The following CCDC61 variants were observed in gnomAD, a reference collection of about 807,000 sequenced individuals.
The protein encoded by CCDC61 is centrosomal protein CCDC61.
In CCDC61, 55 loss-of-function variants were observed where a neutral mutation model predicts 63.0. The observed-to-expected ratio is 0.87, with a 90% CI of 0.70 to 1.09. The LOEUF is 1.09. Ranked by LOEUF, CCDC61 falls within the 50% of genes least tolerant of loss-of-function variation. The pLI is 0.00. For synonymous variants in CCDC61, 270 were observed against 317.0 expected (o/e 0.85, Z 1.58); for missense variants, 651 against 731.4 (o/e 0.89, Z 1.27).
chr19:46,013,841 G>A (rs1968874348), intron 5 of CCDC61, among the ~76,000 whole-genome samples: 1 of 151,436 alleles, frequency 6.6e-6, no homozygotes, highest in Non-Finnish European at 1.5e-5. Context: ...ACTCCAGCCT[G>A]GGTGACAGAG....
chr19:46,003,367 C>T (rs1968629750), intron 2 of CCDC61, 52 bp from the exon 3 acceptor site: 14 of 1,568,066 alleles, frequency 8.9e-6, no homozygotes, highest in South Asian at 2.3e-5. Context: ...GTGCATTGCC[C>T]TGGGGCTGGG....
At chr19:45,997,765 C>T (rs868736319) in intron 1 of CCDC61, among the ~76,000 whole-genome samples, 13 of 152,078 alleles carry the variant, frequency 8.5e-5, no homozygotes, top group African/African-American at 3.1e-4. Context: ...CAGCTCACTA[C>T]AACCTACGCC....
chr19:46,009,948 C>T (rs899566374), intron 5 of CCDC61, among the ~76,000 whole-genome samples: 4 of 152,168 alleles, frequency 2.6e-5, no homozygotes, highest in Non-Finnish European at 4.4e-5. Context: ...CCTTTGGAAC[C>T]AACCACAGGA....
chr19:46,003,528 T>TGGGTGGGGGGTTGGGGGG, intron 3 of CCDC61, 27 bp downstream of exon 3: 4 of 883,170 alleles, frequency 4.5e-6, no homozygotes, highest in East Asian at 4.2e-5. Context: ...CGGGTTGGGG[T>TGGGTGGGGGGTTGGGGGG]GGGAGGGGGG....
At chr19:46,004,149 A>G (rs1968651329) in intron 3 of CCDC61, among the ~76,000 whole-genome samples, 1 of 152,010 alleles carries the variant, frequency 6.6e-6, no homozygotes, top group Non-Finnish European at 1.5e-5. Flanking sequence ...CATGTTGACT[A>G]GGCTGGTGTG....
Position 46,008,306 on chromosome 19 carries a change from G to A in CCDC61, c.551+5G>A. 4 of 1,293,338 alleles carry A rather than the reference G, an allele frequency of 3.1e-6. No individual in the cohort carries two copies. The highest frequency in any genetic ancestry group is 4.4e-6 in the Non-Finnish European group (4 of 917,098). The allele number at this position is 1,293,338 out of a possible 1,614,324, so 80.1% of individuals were successfully genotyped here. A position where few individuals can be genotyped will look rare whatever the true frequency, so the allele number is the denominator to read the frequency against. On this transcript the variant is annotated splice_donor_5th_base_variant and intron_variant, in intron 5 of 13. Coordinates refer to ENST00000595358, the MANE Select transcript of CCDC61 (RefSeq NM_001267723.2). ...GATCTGGCATCTGCGGGAGCAGTGA[G>A]TCTTGGAGGGGTGGGCAGCTGGGGC...
At chr19:46,013,657 A>G (rs926042889) in intron 5 of CCDC61, among the ~76,000 whole-genome samples, 1 of 151,950 alleles carries the variant, frequency 6.6e-6, no homozygotes, top group East Asian at 1.9e-4. Flanking sequence ...TCATGAGGTC[A>G]GGAGTTTGAG....
chr19:46,000,912 G>A (rs974431097), intron 1 of CCDC61, among the ~76,000 whole-genome samples: 5 of 152,056 alleles, frequency 3.3e-5, no homozygotes, highest in African/African-American at 1.2e-4. Flanking sequence ...TGGGGAAAGG[G>A]GAGTTGGCGG....
rs138569252 is a variant in CCDC61, at chr19:46,012,087, G to A, written c.552-2962G>A. 6.4e-4 allele frequency among the ~76,000 whole-genome samples: 97 copies of A among 152,316 alleles called. 1 individual carries two copies. The highest frequency in any genetic ancestry group is 2.0e-3 in the African/African-American group (85 of 41,568). ...CTCCCAGAGTGTTGGAATTACAGGTGTAAGCCACCGTGCCTGGCCTATTTT... is the reference window on the plus strand; with the variant it reads ...CTCCCAGAGTGTTGGAATTACAGGTATAAGCCACCGTGCCTGGCCTATTTT... On this transcript the variant is annotated intron_variant, in intron 5 of 13. Transcript: ENST00000595358.
chr19:46,003,528 T>TTGGGGGG (rs1968634444), intron 3 of CCDC61, 27 bp downstream of exon 3: 164 of 882,514 alleles, frequency 1.9e-4, no homozygotes, highest in Middle Eastern at 2.7e-4. Context: ...CGGGTTGGGG[T>TTGGGGGG]GGGAGGGGGG....
chr19:46,003,903 T>A (rs537854402), intron 3 of CCDC61, among the ~76,000 whole-genome samples: 82 of 151,874 alleles, frequency 5.4e-4, no homozygotes, highest in African/African-American at 2.0e-3. Context: ...TTTATATAAT[T>A]TCCAAGGTAT....
chr19:46,010,175 A>G (rs186402086), intron 5 of CCDC61, among the ~76,000 whole-genome samples: 35 of 152,366 alleles, frequency 2.3e-4, no homozygotes, highest in African/African-American at 8.2e-4. Context: ...ACAGGCGGGC[A>G]TTCTTATTAT....
chr19:46,001,163 T>C (rs1025359647), intron 1 of CCDC61, among the ~76,000 whole-genome samples: 45 of 152,154 alleles, frequency 3.0e-4, no homozygotes, highest in African/African-American at 5.8e-4. Context: ...ACGCACTGCA[T>C]TGGGGTCAGG....
At chr19:46,013,524 A>G (rs777286154) in intron 5 of CCDC61, among the ~76,000 whole-genome samples, 2 of 152,156 alleles carry the variant, frequency 1.3e-5, no homozygotes, top group African/African-American at 4.8e-5. Context: ...TATTTGCTTT[A>G]TCTTAAACAA....
At chr19:46,003,820 CGTGT>C (rs55945123) in intron 3 of CCDC61, among the ~76,000 whole-genome samples, 69,640 of 143,778 alleles carry the variant, frequency 0.48, 16,787 homozygotes, top group Non-Finnish European at 0.56. Context: ...TTTCCAAATA[CGTGT>C]GTGTGTGTGT....
At chr19:45,996,362 C>G (rs1387764396) in intron 1 of CCDC61, 1 of 152,154 alleles carries the variant, frequency 6.6e-6, no homozygotes, top group Non-Finnish European at 1.5e-5. Flanking sequence ...TTCTTCCTTT[C>G]AACCTCCAAA....
At chr19:46,000,789 T>C (rs950515185) in intron 1 of CCDC61, among the ~76,000 whole-genome samples, 3 of 151,406 alleles carry the variant, frequency 2.0e-5, no homozygotes, top group African/African-American at 7.3e-5. Context: ...AGGCAGAGTA[T>C]TCGGTGGCTC....
chr19:46,017,843 C>T (rs1179528242), intron 12 of CCDC61, among the ~76,000 whole-genome samples: 1 of 152,164 alleles, frequency 6.6e-6, no homozygotes, highest in African/African-American at 2.4e-5. Context: ...TTTAGCCTCT[C>T]TGTACCTTAG....
intron 12 of CCDC61, 28 bp downstream of exon 12, chr19:46,017,332 T>C (rs1443947391): frequency 6.5e-7 from 1 of 1,545,084 alleles, no homozygotes; most frequent in East Asian, 2.4e-5. Context: ...CATAAACCAC[T>C]GGAACACAGC....
Sources: gnomAD v4.1 joint callset for allele counts (sites outside exome capture counted in the v4.1 genomes callset) on GRCh38, gnomAD v4.1.1 for gene constraint, MANE v1.5 for transcripts, NCBI Gene and HGNC (gene_info 2026-07-23, HGNC 2026-07-21) for gene names.